The following CNTNAP4 variants were observed in gnomAD, a reference collection of about 807,000 sequenced individuals.
CNTNAP4 encodes contactin-associated protein-like 4.
Under a neutral mutation model 148.4 loss-of-function variants are expected in CNTNAP4, and 98 were observed. That is an observed-to-expected ratio of 0.66 (90% CI 0.56 to 0.78). CNTNAP4 has a LOEUF of 0.78. Ranked by LOEUF, CNTNAP4 falls within the 30% of genes least tolerant of loss-of-function variation. The pLI, the probability that CNTNAP4 is intolerant of heterozygous loss-of-function variation, is 0.00. For synonymous variants in CNTNAP4, 730 were observed against 565.1 expected (o/e 1.29, Z -4.14); for missense variants, 1,935 against 1,565.6 (o/e 1.24, Z -3.98).
At chr16:76,485,792 T>G (rs2082005694) in intron 12 of CNTNAP4, among the ~76,000 whole-genome samples, 1 of 152,190 alleles carries the variant, frequency 6.6e-6, no homozygotes, top group South Asian at 2.1e-4. Context: ...AATAAAGGCC[T>G]TCTTAACAGC....
chr16:76,407,450 T>C (rs140033509), intron 3 of CNTNAP4, among the ~76,000 whole-genome samples: 4 of 151,864 alleles, frequency 2.6e-5, no homozygotes, highest in African/African-American at 9.7e-5. Flanking sequence ...TTAAGAACAT[T>C]TGTAACTCAT....
intron 3 of CNTNAP4, among the ~76,000 whole-genome samples, chr16:76,373,611 C>G (rs927433260): frequency 2.6e-5 from 4 of 152,134 alleles, no homozygotes; most frequent in African/African-American, 9.7e-5. Flanking sequence ...GGAAACTGGA[C>G]AGGCGCAGTG....
chr16:76,376,907 T>TTGTG (rs5817987), intron 3 of CNTNAP4, among the ~76,000 whole-genome samples: 6,839 of 143,336 alleles, frequency 0.048, 174 homozygotes, highest in African/African-American at 0.056. Context: ...CTAACAAGGT[T>TTGTG]TGTGTGTGTG....
intron 17 of CNTNAP4, among the ~76,000 whole-genome samples, chr16:76,532,606 A>T (rs1429468239): frequency 6.6e-6 from 1 of 152,216 alleles, no homozygotes; most frequent in African/African-American, 2.4e-5. Context: ...GTATACCATG[A>T]TTTAATGTGG....
intron 1 of CNTNAP4, among the ~76,000 whole-genome samples, chr16:76,283,349 C>T (rs1958761375): frequency 6.6e-6 from 1 of 151,902 alleles, no homozygotes; most frequent in African/African-American, 2.4e-5. Context: ...GTTATAAAGA[C>T]ACATGCACAT....
At chr16:76,279,308 G>C (rs1958597891) in intron 1 of CNTNAP4, among the ~76,000 whole-genome samples, 1 of 152,178 alleles carries the variant, frequency 6.6e-6, no homozygotes. Context: ...CTTTCCACTA[G>C]ACTGCCTGTA....
At chr16:76,404,209 A>G (rs763819382) in intron 3 of CNTNAP4, among the ~76,000 whole-genome samples, 8 of 152,196 alleles carry the variant, frequency 5.3e-5, no homozygotes, top group Non-Finnish European at 1.2e-4. Context: ...TAAATGTTGT[A>G]TAATAATTTG....
chr16:76,467,614 T>C lies in CNTNAP4; in HGVS notation c.1655+91T>C, dbSNP rs1016899917. The C allele has an allele frequency of 1.9e-5, 20 of 1,034,680 alleles. 1 individual carries two copies. Among genetic ancestry groups the C allele is most frequent in the Middle Eastern group, 2.1e-4 (1 of 4,662 alleles). 64.1% of individuals were successfully genotyped at this position (1,034,680 alleles called of 1,614,324 possible). On this transcript the variant is annotated intron_variant, in intron 10 of 23. Coordinates refer to ENST00000611870, the MANE Select transcript of CNTNAP4 (RefSeq NM_033401.5). ...TAAGATGAACAATTATTCTTTCCTC[T>C]TCCCCATTCTTATCTGTTCCACAGG...
At chr16:76,534,571 G>A (rs945907323) in intron 17 of CNTNAP4, among the ~76,000 whole-genome samples, 1 of 152,142 alleles carries the variant, frequency 6.6e-6, no homozygotes, top group African/African-American at 2.4e-5. Context: ...ACAAATTTAT[G>A]TATGAATCTA....
At chr16:76,522,610 T>C (rs1200722582) in intron 17 of CNTNAP4, among the ~76,000 whole-genome samples, 7 of 59,654 alleles carry the variant, frequency 1.2e-4, no homozygotes, top group Non-Finnish European at 1.5e-4. Flanking sequence ...CTTTTCTTTA[T>C]TTCCTTCCTT....
chr16:76,345,494 C>T (rs896078481), intron 2 of CNTNAP4, among the ~76,000 whole-genome samples: 3 of 152,196 alleles, frequency 2.0e-5, no homozygotes, highest in Non-Finnish European at 2.9e-5. Flanking sequence ...AGGGATTGAA[C>T]TCAATTCCAT....
intron 11 of CNTNAP4, 122 bp from the exon 12 acceptor site, chr16:76,479,297 C>T: frequency 1.4e-6 from 1 of 713,802 alleles, no homozygotes. Flanking sequence ...GTAAGTTTTG[C>T]CTTTTCTCCT....
intron 1 of CNTNAP4, among the ~76,000 whole-genome samples, chr16:76,310,934 T>A (rs2144033952): frequency 6.6e-6 from 1 of 152,246 alleles, no homozygotes; most frequent in South Asian, 2.1e-4. Context: ...GGTCCTTAGG[T>A]AAATTGTTTA....
At chr16:76,462,623 G>A (rs1310602023) in intron 9 of CNTNAP4, among the ~76,000 whole-genome samples, 1 of 152,074 alleles carries the variant, frequency 6.6e-6, no homozygotes, top group Non-Finnish European at 1.5e-5. Flanking sequence ...ATCAGCCTTC[G>A]ACACCAGCTC....
intron 3 of CNTNAP4, among the ~76,000 whole-genome samples, chr16:76,394,081 T>G (rs1290690692): frequency 1.3e-5 from 2 of 152,192 alleles, no homozygotes; most frequent in Admixed American, 6.5e-5. Context: ...GCCTACTTAT[T>G]ATGGCAAGCT....
At chr16:76,524,743 T>A (rs2083639457) in intron 17 of CNTNAP4, among the ~76,000 whole-genome samples, 1 of 152,124 alleles carries the variant, frequency 6.6e-6, no homozygotes, top group South Asian at 2.1e-4. Flanking sequence ...TGTGTTGAAA[T>A]GTAAGGATGG....
chr16:76,349,794 C>T (rs1965221737), intron 2 of CNTNAP4, among the ~76,000 whole-genome samples: 1 of 151,952 alleles, frequency 6.6e-6, no homozygotes, highest in Non-Finnish European at 1.5e-5. Flanking sequence ...ACATCTGTGT[C>T]CTTTTACACT....
chr16:76,453,479 G>C (rs1006252220), intron 8 of CNTNAP4, among the ~76,000 whole-genome samples: 3 of 152,128 alleles, frequency 2.0e-5, no homozygotes, highest in Non-Finnish European at 4.4e-5. Flanking sequence ...AAATTATAAA[G>C]TTCTTGACAA....
At chr16:76,350,765 A>G (rs977345030) in intron 2 of CNTNAP4, among the ~76,000 whole-genome samples, 1 of 152,246 alleles carries the variant, frequency 6.6e-6, no homozygotes, top group African/African-American at 2.4e-5. Flanking sequence ...TCTCATAACA[A>G]TACTACAGCA....
Sources: allele counts gnomAD v4.1 joint callset (sites outside exome capture counted in the v4.1 genomes callset), GRCh38; gene constraint gnomAD v4.1.1; transcripts MANE v1.5; gene names NCBI Gene and HGNC (gene_info 2026-07-23, HGNC 2026-07-21).